Variants in AFF3 observed in about 807,000 individuals in gnomAD.
The protein encoded by AFF3 is ALF transcription elongation factor 3.
AFF3 carries 32 observed loss-of-function variants against 129.7 expected under a neutral mutation model. That is an observed-to-expected ratio of 0.25 (90% CI 0.19 to 0.33). The LOEUF is 0.33. AFF3 is among the 10% of genes least tolerant of loss of function. The probability of loss-of-function intolerance (pLI) is 1.00; values close to 1 mark genes in which losing one functional copy is unlikely to be tolerated. For missense variants in AFF3, 1,373 were observed against 1,592.0 expected, an observed-to-expected ratio of 0.86 and a Z score of 2.34; for synonymous variants, 644 against 635.4, an observed-to-expected ratio of 1.01 and a Z score of -0.20.
At chr2:99,674,657 T>C (rs554507153) in intron 11 of AFF3, among the ~76,000 whole-genome samples, 163 of 152,198 alleles carry the variant, frequency 1.1e-3, no homozygotes, top group African/African-American at 3.8e-3. Flanking sequence ...CACACAATCA[T>C]GGTTAACAAC....
chr2:99,995,155 G>A (rs1222086980), intron 7 of AFF3, among the ~76,000 whole-genome samples: 2 of 152,138 alleles, frequency 1.3e-5, no homozygotes, highest in East Asian at 3.9e-4. Context: ...GAAGGACAGA[G>A]CATTTTAACT....
chr2:99,861,541 AGTT>A (rs773563156), intron 7 of AFF3, among the ~76,000 whole-genome samples: 1 of 152,214 alleles, frequency 6.6e-6, no homozygotes, highest in East Asian at 1.9e-4. Context: ...AAGACTTGAA[AGTT>A]GTTATCATTC....
intron 13 of AFF3, among the ~76,000 whole-genome samples, chr2:99,614,347 A>G (rs1443253194): frequency 2.0e-5 from 3 of 152,236 alleles, no homozygotes; most frequent in African/African-American, 7.2e-5. Flanking sequence ...ATGCTATTGT[A>G]GCATCTGGAA....
At chr2:99,651,446 GT>G (rs1035854510) in intron 12 of AFF3, among the ~76,000 whole-genome samples, 14 of 146,508 alleles carry the variant, frequency 9.6e-5, no homozygotes, top group African/African-American at 1.5e-4. Flanking sequence ...CATGGTTACT[GT>G]TTTTTTTTTT....
At chr2:99,708,009 T>C (rs552004722) in intron 11 of AFF3, among the ~76,000 whole-genome samples, 5 of 152,284 alleles carry the variant, frequency 3.3e-5, no homozygotes, top group Non-Finnish European at 7.4e-5. Context: ...AATTAGCAAA[T>C]GAAAATACAG....
intron 1 of AFF3, among the ~76,000 whole-genome samples, chr2:100,138,522 C>T (rs531533392): frequency 1.3e-5 from 2 of 152,256 alleles, no homozygotes; most frequent in South Asian, 4.1e-4. Flanking sequence ...CTGTCTTTTG[C>T]AACAGGAGCA....
At chr2:100,068,128 G>A (rs1025601557) in intron 4 of AFF3, among the ~76,000 whole-genome samples, 21 of 152,166 alleles carry the variant, frequency 1.4e-4, no homozygotes, top group African/African-American at 3.9e-4. Flanking sequence ...GAATTGAGAC[G>A]CCAGCTCGCT....
chr2:99,831,620 A>G (rs1486286534), intron 8 of AFF3, among the ~76,000 whole-genome samples: 1 of 152,216 alleles, frequency 6.6e-6, no homozygotes, highest in South Asian at 2.1e-4. Flanking sequence ...AACCTCATTC[A>G]TGGATAAAGA....
At chr2:100,075,637 A>G (rs186406617) in intron 4 of AFF3, among the ~76,000 whole-genome samples, 230 of 152,270 alleles carry the variant, frequency 1.5e-3, no homozygotes, top group African/African-American at 5.3e-3. Flanking sequence ...TTATTAGGGA[A>G]ATAATTATGG....
intron 24 of AFF3, among the ~76,000 whole-genome samples, chr2:99,553,059 C>G (rs994737468): frequency 6.6e-6 from 1 of 152,160 alleles, no homozygotes; most frequent in Non-Finnish European, 1.5e-5. Context: ...GCCTCAGCCC[C>G]CTGAGTAGCT....
chr2:99,848,312 T>C (rs949306939), intron 7 of AFF3, among the ~76,000 whole-genome samples: 1 of 152,112 alleles, frequency 6.6e-6, no homozygotes, highest in South Asian at 2.1e-4. Context: ...AGACATCACA[T>C]GTAAAATATG....
chr2:99,587,056 T>G, intron 16 of AFF3, 98 bp downstream of exon 16: 3 of 1,516,020 alleles, frequency 2.0e-6, no homozygotes, highest in South Asian at 2.5e-5. Flanking sequence ...TTGACCAGAG[T>G]AGTCCTCAAA....
intron 7 of AFF3, among the ~76,000 whole-genome samples, chr2:99,907,094 C>T (rs1244827222): frequency 6.6e-6 from 1 of 152,142 alleles, no homozygotes; most frequent in Non-Finnish European, 1.5e-5. Context: ...TCCCTCAACC[C>T]CTTAATGACA....
intron 7 of AFF3, among the ~76,000 whole-genome samples, chr2:99,926,029 G>A (rs1487214181): frequency 6.6e-6 from 1 of 152,204 alleles, no homozygotes; most frequent in Non-Finnish European, 1.5e-5. Context: ...ACAGTTAAAT[G>A]CAATCATCAT....
intron 8 of AFF3, among the ~76,000 whole-genome samples, chr2:99,768,514 T>C (rs1189746440): frequency 1.3e-5 from 2 of 152,378 alleles, no homozygotes; most frequent in African/African-American, 4.8e-5. Flanking sequence ...AAAGTCTTTC[T>C]ACCTAAGAAT....
chr2:99,995,906 T>C (rs1680796681), intron 7 of AFF3, among the ~76,000 whole-genome samples: 1 of 151,940 alleles, frequency 6.6e-6, no homozygotes, highest in African/African-American at 2.4e-5. Flanking sequence ...AACAGAAAAA[T>C]GGGTAAAGGA....
chr2:99,983,169 C>A (rs1050387868), intron 7 of AFF3, among the ~76,000 whole-genome samples: 2 of 152,198 alleles, frequency 1.3e-5, no homozygotes, highest in African/African-American at 2.4e-5. Context: ...GAGCCTGGTA[C>A]AAGTATGTGA....
At chr2:99,714,855 A>G (rs575345385) in intron 11 of AFF3, among the ~76,000 whole-genome samples, 1 of 152,256 alleles carries the variant, frequency 6.6e-6, no homozygotes, top group Non-Finnish European at 1.5e-5. Context: ...CTAATTAAAA[A>G]ATTTTAATGA....
At chr2:100,067,351 C>A (rs965470628) in intron 4 of AFF3, among the ~76,000 whole-genome samples, 4 of 152,128 alleles carry the variant, frequency 2.6e-5, no homozygotes, top group African/African-American at 9.7e-5. Flanking sequence ...TGTTTCCTTC[C>A]TGAGAACAAA....
Sources: gnomAD v4.1 joint callset for allele counts (sites outside exome capture counted in the v4.1 genomes callset) on GRCh38, gnomAD v4.1.1 for gene constraint, MANE v1.5 for transcripts, NCBI Gene and HGNC (gene_info 2026-07-23, HGNC 2026-07-21) for gene names.